Variants in GLB1L3 observed in about 807,000 individuals in gnomAD.
GLB1L3 encodes the protein galactosidase beta 1 like 3, also known as beta-galactosidase-1-like protein 3.
A neutral mutation model predicts 89.5 loss-of-function variants in GLB1L3; 89 were observed. That is an observed-to-expected ratio of 0.99 (90% CI 0.84 to 1.19). The LOEUF is 1.19. Ranked by LOEUF, GLB1L3 falls within the 50% of genes most tolerant of loss-of-function variation. The probability of loss-of-function intolerance (pLI) is 0.00; values close to 1 mark genes in which losing one functional copy is unlikely to be tolerated. For missense variants in GLB1L3, 812 were observed against 813.3 expected (o/e 1.00, Z 0.02); for synonymous variants, 314 against 312.3 (o/e 1.01, Z -0.06).
At chr11:134,283,866 G>A (rs780188123) in intron 6 of GLB1L3, 21 bp downstream of exon 6, 4 of 1,422,404 alleles carry the variant, frequency 2.8e-6, no homozygotes, top group South Asian at 1.2e-5. Flanking sequence ...ATTGTCCCCT[G>A]CATCTTTCTT....
At chr11:134,303,342 T>G (rs547458731) in intron 9 of GLB1L3, among the ~76,000 whole-genome samples, 5 of 152,352 alleles carry the variant, frequency 3.3e-5, no homozygotes, top group Admixed American at 3.3e-4. Context: ...TCATATTTCA[T>G]GTAATTCTTG....
intron 9 of GLB1L3, among the ~76,000 whole-genome samples, chr11:134,294,005 C>G (rs1378577768): frequency 6.6e-6 from 1 of 152,146 alleles, no homozygotes; most frequent in Non-Finnish European, 1.5e-5. Context: ...CTTCAGGGCT[C>G]TGCCCCTACC....
rs1942315931 is a variant in GLB1L3, at chr11:134,308,196, TCACCACTACCACCACCAC to T, written c.961+991_961+1008del. Reference sequence around the variant, plus strand: ...ACCACCACCATCACCATCATCACCATCACCACTACCACCACCACCATCACCATCACCACCACCACCATC... The same window carrying T: ...ACCACCACCATCACCATCATCACCATCATCACCATCACCACCACCACCATC... On this transcript the variant is annotated intron_variant, in intron 10 of 19. Coordinates refer to ENST00000431683, the MANE Select transcript of GLB1L3 (RefSeq NM_001080407.3). Among the ~76,000 whole-genome samples the T allele has an allele frequency of 2.0e-4, 14 of 68,858 alleles. 1 individual carries two copies. Among genetic ancestry groups the T allele is most frequent in the African/African-American group, 3.3e-4 (4 of 11,988 alleles). 45.2% of individuals were successfully genotyped at this position (68,858 alleles called of 152,430 possible).
In GLB1L3 at chr11:134,276,767, A is replaced by T. The variant is rs1415668295; in HGVS notation, c.23+4A>T. 1 of 1,444,076 alleles carries T rather than the reference A, an allele frequency of 6.9e-7. No homozygotes were observed. The highest frequency in any genetic ancestry group is 9.1e-7 in the Non-Finnish European group (1 of 1,099,536). The allele number at this position is 1,444,076 out of a possible 1,614,324, so 89.5% of individuals were successfully genotyped here. On this transcript the variant is annotated splice_donor_region_variant and intron_variant, in intron 1 of 19. Transcript: ENST00000431683. ...TGAAGTCCCCGCCCCTCCTCAGGTG[A>T]CGGATCGCCGCTGCCGTCCCGGGCT...
At chr11:134,276,900 T>C in intron 1 of GLB1L3, 137 bp downstream of exon 1, 5 of 748,840 alleles carry the variant, frequency 6.7e-6, no homozygotes, top group Non-Finnish European at 9.3e-6. Context: ...AAGCCCGCTG[T>C]CCCCAGCTTT....
chr11:134,311,286 A>G, intron 13 of GLB1L3, 116 bp downstream of exon 13: 1 of 810,464 alleles, frequency 1.2e-6, no homozygotes, highest in Non-Finnish European at 2.1e-6. Context: ...TTTCATTCAA[A>G]TTTAGAACTG....
At chr11:134,277,044 G>A (rs528738111) in intron 1 of GLB1L3, 3 of 571,084 alleles carry the variant, frequency 5.3e-6, no homozygotes, top group African/African-American at 3.8e-5. Context: ...GGTGCTGGAA[G>A]TGCGCCCGCC....
downstream of GLB1L3, among the ~76,000 whole-genome samples, chr11:134,323,433 G>A (rs1943190377): frequency 6.6e-6 from 1 of 151,410 alleles, no homozygotes; most frequent in African/African-American, 2.4e-5. Context: ...ACAATTAGTC[G>A]GCCTGGTGGT....
chr11:134,291,120 TGTTTA>T (rs1285078943), intron 7 of GLB1L3, among the ~76,000 whole-genome samples: 1 of 152,132 alleles, frequency 6.6e-6, no homozygotes, highest in Non-Finnish European at 1.5e-5. Context: ...AACCATGCTC[TGTTTA>T]GTTTCCGATT....
At position 134,288,860 on chromosome 11, in the gene GLB1L3, G is replaced by C; in HGVS notation, c.699G>C (p.Lys233Asn). The C allele has an allele frequency of 6.2e-7, 1 of 1,612,936 alleles. No homozygotes were observed. Among genetic ancestry groups the C allele is most frequent in the Non-Finnish European group, 8.5e-7 (1 of 1,179,464 alleles). The stretch of plus-strand genomic sequence containing the variant: ...AGAATGAGTATGGCTCATTCAATAA[G>C]GATAAAACATACATGCCGTATCTCC... ...QVENEYGSFN[K>N]DKTYMPYLHK... Residue 233 changes from lysine (K) to asparagine (N), a missense_variant, in exon 7 of 20, where the codon AAG becomes AAC. By Grantham distance (94) the Lys-to-Asn change is moderately conservative. Coordinates refer to ENST00000431683, the MANE Select transcript of GLB1L3 (RefSeq NM_001080407.3).
chr11:134,279,364 CTTTTTTTTTT>C (rs10577769), intron 3 of GLB1L3, among the ~76,000 whole-genome samples: 1 of 108,342 alleles, frequency 9.2e-6, no homozygotes, highest in South Asian at 3.4e-4. Context: ...TTTTCTTTTT[CTTTTTTTTTT>C]TTTTTTTTTT....
intron 7 of GLB1L3, among the ~76,000 whole-genome samples, chr11:134,289,948 C>G (rs1180427195): frequency 6.6e-6 from 1 of 152,238 alleles, no homozygotes; most frequent in African/African-American, 2.4e-5. Context: ...TCCGCCCTTG[C>G]CTCTGCAGCA....
At chr11:134,324,104 A>T (rs1943196133), downstream of GLB1L3, among the ~76,000 whole-genome samples, 1 of 152,158 alleles carries the variant, frequency 6.6e-6, no homozygotes, top group Admixed American at 6.5e-5. Flanking sequence ...TTTCATAACT[A>T]TTTCTTGGGT....
At chr11:134,323,879 G>C (rs1943193904), downstream of GLB1L3, among the ~76,000 whole-genome samples, 1 of 150,960 alleles carries the variant, frequency 6.6e-6, no homozygotes, top group South Asian at 2.1e-4. Flanking sequence ...AAAGAGACAA[G>C]AGAGTTTCAA....
At chr11:134,312,232 T>C in intron 13 of GLB1L3, 117 bp from the exon 14 acceptor site, 1 of 1,145,016 alleles carries the variant, frequency 8.7e-7, no homozygotes, top group Non-Finnish European at 1.2e-6. Flanking sequence ...TGTTTCATCA[T>C]TTCCCATTTG....
At chr11:134,324,414 T>A (rs1479774964), downstream of GLB1L3, among the ~76,000 whole-genome samples, 1 of 152,212 alleles carries the variant, frequency 6.6e-6, no homozygotes, top group Non-Finnish European at 1.5e-5. Context: ...GCCAAAAAAC[T>A]ACTAAAAATA....
At chr11:134,278,011 T>G in intron 3 of GLB1L3, 99 bp downstream of exon 3, 1 of 1,095,484 alleles carries the variant, frequency 9.1e-7, no homozygotes, top group Non-Finnish European at 1.4e-6. Flanking sequence ...CGTGAGGACT[T>G]ACCTTCCGCA....
At chr11:134,287,242 T>C (rs564675836) in intron 6 of GLB1L3, 3 of 152,362 alleles carry the variant, frequency 2.0e-5, no homozygotes, top group African/African-American at 2.4e-5. Flanking sequence ...CAGGCACATG[T>C]ATGCAACGAG....
chr11:134,277,287 G>GA (rs1368229297), intron 1 of GLB1L3, 39 bp from the exon 2 acceptor site: 1 of 1,613,258 alleles, frequency 6.2e-7, no homozygotes, highest in South Asian at 1.1e-5. Context: ...GGTGGGGCCG[G>GA]AACCTTCCCC....
Sources: gnomAD v4.1 joint callset for allele counts (sites outside exome capture counted in the v4.1 genomes callset) on GRCh38, gnomAD v4.1.1 for gene constraint, MANE v1.5 for transcripts, NCBI Gene and HGNC (gene_info 2026-07-23, HGNC 2026-07-21) for gene names.